Variants in DNAH12 observed in about 807,000 individuals in gnomAD.
The protein encoded by DNAH12 is dynein axonemal heavy chain 12.
In DNAH12, 285 loss-of-function variants were observed where a neutral mutation model predicts 371.5. The ratio of observed to expected loss-of-function variants is 0.77; its 90% CI spans 0.70 to 0.85. The LOEUF (loss-of-function observed/expected upper bound fraction) is 0.85. Ranked by LOEUF, DNAH12 falls within the 40% of genes least tolerant of loss-of-function variation. DNAH12 has a pLI of 0.00. For missense variants in DNAH12, 3,611 were observed against 3,689.4 expected (o/e 0.98, Z 0.55); for synonymous variants, 1,200 against 1,213.0 (o/e 0.99, Z 0.22).
chr3:57,445,430 A>C lies in DNAH12; in HGVS notation c.4180-11T>G. ...TGTTCTAAAAAGAACCTGAAGTATA[A>C]AATAAATGAAATATATTACGTACAT... On this transcript the variant is annotated splice_polypyrimidine_tract_variant and intron_variant, in intron 27 of 73. Transcript: ENST00000495027. 1.3e-6 allele frequency: 2 copies of C among 1,500,386 alleles called. No individual in the cohort carries two copies. The highest frequency in any genetic ancestry group is 1.8e-6 in the Non-Finnish European group (2 of 1,125,918). The allele number at this position is 1,500,386 out of a possible 1,614,324, so 92.9% of individuals were successfully genotyped here.
rs937070146 is a variant in DNAH12, at chr3:57,416,546, G to A, written c.5715-982C>T. Reference sequence around the variant, plus strand: ...AAAAGAGTTGTATTTGTACTTTTAGGGTACAGACATGGGGGCAGCATGTGA... The same window carrying A: ...AAAAGAGTTGTATTTGTACTTTTAGAGTACAGACATGGGGGCAGCATGTGA... On this transcript the variant is annotated intron_variant, in intron 37 of 73. Transcript: ENST00000495027. 4.6e-5 allele frequency among the ~76,000 whole-genome samples: 7 copies of A among 152,084 alleles called. 1 individual carries two copies. Among genetic ancestry groups the A allele is most frequent in the Non-Finnish European group, 1.0e-4 (7 of 67,992 alleles).
At chr3:57,373,459 T>G (rs1457953508) in intron 55 of DNAH12, among the ~76,000 whole-genome samples, 1 of 150,884 alleles carries the variant, frequency 6.6e-6, no homozygotes, top group African/African-American at 2.4e-5. Flanking sequence ...GGATTACAGG[T>G]GCACACCACC....
At chr3:57,352,909 T>C (rs2062714127) in intron 59 of DNAH12, among the ~76,000 whole-genome samples, 1 of 151,948 alleles carries the variant, frequency 6.6e-6, no homozygotes, top group African/African-American at 2.4e-5. Context: ...GTCAACATGG[T>C]GAAACCTCAT....
At chr3:57,422,747 GAC>G (rs2064631583) in intron 35 of DNAH12, among the ~76,000 whole-genome samples, 1 of 152,184 alleles carries the variant, frequency 6.6e-6, no homozygotes. Context: ...CTGTGAAAAT[GAC>G]ACATGTACAA....
intron 4 of DNAH12, chr3:57,519,976 G>C (rs2068350498): frequency 2.4e-6 from 2 of 838,416 alleles, no homozygotes; most frequent in Non-Finnish European, 4.1e-6. Context: ...AGAGGTCAGG[G>C]CGTAGGGTTC....
intron 35 of DNAH12, among the ~76,000 whole-genome samples, chr3:57,422,490 G>A (rs62250568): frequency 0.19 from 28,709 of 151,894 alleles, 2,932 homozygotes; most frequent in African/African-American, 0.24. Flanking sequence ...CACCGCGCCC[G>A]GCCTCTAACA....
At chr3:57,402,858 G>A (rs2063912895) in intron 43 of DNAH12, among the ~76,000 whole-genome samples, 1 of 152,204 alleles carries the variant, frequency 6.6e-6, no homozygotes, top group African/African-American at 2.4e-5. Context: ...TGTTCTACGT[G>A]ATAGATATCC....
At chr3:57,440,597 G>A (rs1177524577) in intron 29 of DNAH12, among the ~76,000 whole-genome samples, 1 of 152,126 alleles carries the variant, frequency 6.6e-6, no homozygotes, top group Non-Finnish European at 1.5e-5. Flanking sequence ...CCTGGGTGAT[G>A]GTATCAATAA....
intron 7 of DNAH12, among the ~76,000 whole-genome samples, chr3:57,508,122 G>T (rs1390206242): frequency 6.7e-6 from 1 of 148,248 alleles, no homozygotes; most frequent in Non-Finnish European, 1.5e-5. Context: ...GGGAGACAAA[G>T]CTTGCAGTGA....
chr3:57,503,595 G>A (rs1264172880), intron 9 of DNAH12, among the ~76,000 whole-genome samples: 1 of 151,860 alleles, frequency 6.6e-6, no homozygotes, highest in Non-Finnish European at 1.5e-5. Flanking sequence ...CACCATGTTG[G>A]CCAGGATGGT....
At position 57,470,444 on chromosome 3, in the gene DNAH12, G is replaced by A. The variant is rs755250353; in HGVS notation, c.2104C>T (p.Arg702Trp). The A allele has an allele frequency of 1.3e-5, 19 of 1,504,512 alleles. No individual in the cohort carries two copies. Among genetic ancestry groups the A allele is most frequent in the African/African-American group, 5.7e-5 (4 of 70,732 alleles). The allele number at this position is 1,504,512 out of a possible 1,614,324, so 93.2% of individuals were successfully genotyped here. Residue 702 changes from arginine to tryptophan, a missense_variant and splice_region_variant, in exon 16 of 74, where the codon CGG (arginine) becomes TGG (tryptophan). Physicochemically the swap from Arg to Trp is moderately radical, Grantham distance 101. Transcript: ENST00000495027. The part of the protein sequence containing the change: ...FVLKWQRSEK[R>W]WMDGGFLDLN... ...TTTTATTACATTACCAGCAATTACC[G>A]TTTTTCTGATCGCTGCCACTTCAAA... is the stretch of plus-strand genomic sequence containing the variant.
intron 58 of DNAH12, among the ~76,000 whole-genome samples, chr3:57,358,311 T>C (rs1457876720): frequency 2.6e-5 from 4 of 151,918 alleles, no homozygotes; most frequent in Admixed American, 2.6e-4. Flanking sequence ...GCTAGATGAG[T>C]ATATAAAGGA....
At chr3:57,315,640 G>A (rs748997587) in intron 65 of DNAH12, among the ~76,000 whole-genome samples, 1 of 151,932 alleles carries the variant, frequency 6.6e-6, no homozygotes, top group East Asian at 1.9e-4. Context: ...AGAAAGATGC[G>A]GGTGAAGGTG....
intron 60 of DNAH12, among the ~76,000 whole-genome samples, chr3:57,336,079 T>C (rs2062215662): frequency 6.6e-6 from 1 of 152,198 alleles, no homozygotes; most frequent in South Asian, 2.1e-4. Context: ...ACTTCTGAGC[T>C]TAAGTAATCC....
intron 73 of DNAH12, among the ~76,000 whole-genome samples, chr3:57,294,490 G>A (rs754635512): frequency 3.3e-5 from 5 of 152,092 alleles, no homozygotes; most frequent in Non-Finnish European, 4.4e-5. Flanking sequence ...CAAGTATTTC[G>A]TATGGTGCAT....
intron 9 of DNAH12, among the ~76,000 whole-genome samples, chr3:57,503,714 T>C (rs1053924806): frequency 6.6e-6 from 1 of 152,154 alleles, no homozygotes; most frequent in Admixed American, 6.6e-5. Flanking sequence ...AAAGTAATTA[T>C]GCCAGAAAGC....
chr3:57,445,880 C>G, intron 27 of DNAH12, 151 bp downstream of exon 27: 1 of 641,964 alleles, frequency 1.6e-6, no homozygotes, highest in East Asian at 3.9e-5. Context: ...CCCAGCTACT[C>G]GGGAGACTGA....
chr3:57,294,784 C>T (rs975489114), intron 73 of DNAH12, among the ~76,000 whole-genome samples: 10 of 152,134 alleles, frequency 6.6e-5, no homozygotes, highest in Non-Finnish European at 1.2e-4. Flanking sequence ...AAACTATATA[C>T]AATCCCCAAA....
chr3:57,377,932 G>A (rs2063314726), intron 52 of DNAH12, among the ~76,000 whole-genome samples: 1 of 152,086 alleles, frequency 6.6e-6, no homozygotes, highest in Admixed American at 6.6e-5. Flanking sequence ...AAAGAAGATA[G>A]ACCTAACTCT....
Sources: allele counts gnomAD v4.1 joint callset (sites outside exome capture counted in the v4.1 genomes callset), GRCh38; gene constraint gnomAD v4.1.1; transcripts MANE v1.5; gene names NCBI Gene and HGNC (gene_info 2026-07-23, HGNC 2026-07-21).